Variants in SGK3 observed in about 807,000 individuals in gnomAD.
The protein encoded by SGK3 is serine/threonine-protein kinase Sgk3.
In SGK3, 47 loss-of-function variants were observed where a neutral mutation model predicts 68.5. The ratio of observed to expected loss-of-function variants is 0.69; its 90% confidence interval spans 0.54 to 0.87. The LOEUF is 0.87. SGK3 is among the 40% of genes least tolerant of loss of function. SGK3 has a pLI of 0.00. For synonymous variants in SGK3, 181 were observed against 189.1 expected (o/e 0.96, Z 0.35); for missense variants, 479 against 575.5 (o/e 0.83, Z 1.72).
At chr8:66,732,869 A>G (rs1805208940) in intron 1 of SGK3, among the ~76,000 whole-genome samples, 1 of 151,940 alleles carries the variant, frequency 6.6e-6, no homozygotes, top group South Asian at 2.1e-4. Context: ...AAAAAAAATT[A>G]TTGTTTTGAT....
intron 1 of SGK3, among the ~76,000 whole-genome samples, chr8:66,750,645 C>T (rs938672929): frequency 2.4e-4 from 37 of 151,164 alleles, no homozygotes; most frequent in African/African-American, 8.8e-4. Flanking sequence ...GTTGAGATCA[C>T]GCCACTGCAC....
chr8:66,725,502 A>C (rs1804960054), intron 1 of SGK3, among the ~76,000 whole-genome samples: 1 of 151,596 alleles, frequency 6.6e-6, no homozygotes, highest in African/African-American at 2.4e-5. Context: ...TTTTTTTTTA[A>C]CCCTGTGAAT....
intron 1 of SGK3, among the ~76,000 whole-genome samples, chr8:66,741,170 G>T (rs1009216810): frequency 6.6e-6 from 1 of 152,142 alleles, no homozygotes; most frequent in Non-Finnish European, 1.5e-5. Context: ...GGCAGAGTAG[G>T]CAGGGAGTAC....
chr8:66,747,664 C>T (rs1805691421), intron 1 of SGK3, among the ~76,000 whole-genome samples: 1 of 152,042 alleles, frequency 6.6e-6, no homozygotes, highest in African/African-American at 2.4e-5. Flanking sequence ...CTCAAGTGAT[C>T]CTCCCATCCC....
intron 10 of SGK3, among the ~76,000 whole-genome samples, chr8:66,837,623 A>C (rs1424218377): frequency 5.3e-5 from 8 of 152,130 alleles, no homozygotes; most frequent in African/African-American, 1.9e-4. Context: ...TCTACAAAAA[A>C]AATAACAAAA....
At chr8:66,857,966 G>A (rs751444943) in intron 16 of SGK3, among the ~76,000 whole-genome samples, 9 of 151,952 alleles carry the variant, frequency 5.9e-5, no homozygotes, top group Non-Finnish European at 1.0e-4. Context: ...CAGAGCTAAG[G>A]GTGCCCTAGT....
chr8:66,736,865 C>A (rs1805331444), intron 1 of SGK3, among the ~76,000 whole-genome samples: 1 of 152,058 alleles, frequency 6.6e-6, no homozygotes, highest in Non-Finnish European at 1.5e-5. Flanking sequence ...GTGATCCACC[C>A]ATCTCAGCCT....
At chr8:66,821,320 T>A (rs1377811297) in intron 5 of SGK3, among the ~76,000 whole-genome samples, 2 of 151,650 alleles carry the variant, frequency 1.3e-5, no homozygotes, top group East Asian at 3.9e-4. Context: ...TATGAGTATT[T>A]TATATATATA....
At chr8:66,800,266 G>A (rs1488079739) in intron 3 of SGK3, among the ~76,000 whole-genome samples, 6 of 151,228 alleles carry the variant, frequency 4.0e-5, no homozygotes, top group Admixed American at 1.3e-4. Context: ...GCGTGAACCC[G>A]GGAGGCAGAG....
At chr8:66,756,569 CTTTTTTTTTTTTTT>C (rs34499404) in intron 1 of SGK3, among the ~76,000 whole-genome samples, 18 of 77,930 alleles carry the variant, frequency 2.3e-4, no homozygotes, top group Admixed American at 1.2e-3. Context: ...CATGCATCTA[CTTTTTTTTTTTTTT>C]TTTTTTTTTT....
chr8:66,799,111 G>A (rs183865950), intron 3 of SGK3, among the ~76,000 whole-genome samples: 1 of 152,192 alleles, frequency 6.6e-6, no homozygotes, highest in African/African-American at 2.4e-5. Flanking sequence ...TACCTAGGTG[G>A]TAAGATCTAA....
At chr8:66,767,809 G>A in intron 1 of SGK3, 2 of 1,554,330 alleles carry the variant, frequency 1.3e-6, no homozygotes, top group African/African-American at 1.4e-5. Context: ...TCTGTTGACA[G>A]TTCCCAAAGC....
chr8:66,736,689 A>G (rs1046134555), intron 1 of SGK3, among the ~76,000 whole-genome samples: 18 of 150,122 alleles, frequency 1.2e-4, no homozygotes, highest in African/African-American at 4.4e-4. Flanking sequence ...GCGCAATCTC[A>G]GCTCACCACA....
intron 1 of SGK3, among the ~76,000 whole-genome samples, chr8:66,720,795 A>ATATATATATATATATATATAT (rs1554590881): frequency 2.0e-5 from 3 of 150,768 alleles, no homozygotes; most frequent in African/African-American, 7.4e-5. Context: ...ATATATATAT[A>ATATATATATATATATATATAT]ATTAGCCAGG....
chr8:66,724,194 A>G (rs1804908777), intron 1 of SGK3, among the ~76,000 whole-genome samples: 1 of 152,210 alleles, frequency 6.6e-6, no homozygotes, highest in Admixed American at 6.5e-5. Context: ...TGCCCAGGCT[A>G]GTCTCAAACT....
At chr8:66,837,404 C>T (rs1019031554) in intron 10 of SGK3, among the ~76,000 whole-genome samples, 3 of 151,992 alleles carry the variant, frequency 2.0e-5, no homozygotes, top group Non-Finnish European at 4.4e-5. Flanking sequence ...TCTGCAAAAC[C>T]GAAAGATGGT....
At chr8:66,816,396 AG>A (rs1159660388) in intron 5 of SGK3, among the ~76,000 whole-genome samples, 1 of 128,474 alleles carries the variant, frequency 7.8e-6, no homozygotes, top group Non-Finnish European at 1.5e-5. Context: ...CCCAGGCTGG[AG>A]TGCAGTGGCG....
chr8:66,853,097 G>A (rs1462960133), intron 16 of SGK3, among the ~76,000 whole-genome samples: 25 of 152,030 alleles, frequency 1.6e-4, no homozygotes. Context: ...CATTTGTAAA[G>A]CACCTCAGTG....
chr8:66,802,829 A>G (rs1808001704), intron 3 of SGK3, among the ~76,000 whole-genome samples: 1 of 152,150 alleles, frequency 6.6e-6, no homozygotes, highest in Non-Finnish European at 1.5e-5. Flanking sequence ...TTCAGAAAAT[A>G]ACATTATGTT....
Sources: allele counts gnomAD v4.1 joint callset (sites outside exome capture counted in the v4.1 genomes callset), GRCh38; gene constraint gnomAD v4.1.1; transcripts MANE v1.5; gene names NCBI Gene and HGNC (gene_info 2026-07-23, HGNC 2026-07-21).